The following TMEM184B variants were observed in gnomAD, a reference collection of about 807,000 sequenced individuals.
The protein encoded by TMEM184B is putative MAPK-activating protein FM08.
A neutral mutation model predicts 41.8 loss-of-function variants in TMEM184B; 17 were observed. The observed-to-expected ratio is 0.41, with a 90% CI of 0.28 to 0.61. The LOEUF (loss-of-function observed/expected upper bound fraction) is 0.61. TMEM184B is among the 20% of genes least tolerant of loss of function. TMEM184B has a pLI of 0.34. For synonymous variants in TMEM184B, 240 were observed against 229.5 expected (o/e 1.05, Z -0.41); for missense variants, 393 against 557.8 (o/e 0.70, Z 2.98).
Position 38,221,250 on chromosome 22 carries a change from C to A in TMEM184B, c.*219G>T. On this transcript the variant is annotated 3_prime_UTR_variant, in exon 9 of 9. Transcript: ENST00000361906. ...CCAGTGTCCTCTGCCCTCGCCCGGGCAGTGCAGGCTGGGCCATGTATAAAT... is the reference window on the plus strand; with the variant it reads ...CCAGTGTCCTCTGCCCTCGCCCGGGAAGTGCAGGCTGGGCCATGTATAAAT... The A allele has an allele frequency of 1.4e-6, 2 of 1,408,356 alleles. No individual in the cohort carries two copies. Among genetic ancestry groups the A allele is most frequent in the East Asian group, 5.3e-5 (2 of 37,980 alleles). 87.2% of individuals were successfully genotyped at this position (1,408,356 alleles called of 1,614,324 possible).
rs953439171 is a variant in TMEM184B, at chr22:38,224,938, T to G, written c.829A>C (p.Lys277Gln). Residue 277 changes from lysine (K) to glutamine (Q), a missense_variant, in exon 8 of 9, where the codon AAA becomes CAA. Lys to Gln is a moderately conservative substitution (Grantham distance 53). This residue lies in a region of TMEM184B where 271 missense variants were observed against 434.1 expected (regional missense o/e 0.62). Coordinates refer to ENST00000361906, the MANE Select transcript of TMEM184B (RefSeq NM_012264.5). ...ACCGACACGCGGGCCGAGTGGATTT[T>G]GGGGATGGCCCCACACTTCTCCAGG... is the stretch of plus-strand genomic sequence containing the variant. ...AILEKCGAIP[K>Q]IHSARVSVGE... The G allele has an allele frequency of 1.2e-6, 2 of 1,602,196 alleles. No homozygotes were observed. The highest frequency in any genetic ancestry group is 1.7e-6 in the Non-Finnish European group (2 of 1,174,218).
At chr22:38,235,068 G>A (rs1052500878) in intron 3 of TMEM184B, among the ~76,000 whole-genome samples, 5 of 152,142 alleles carry the variant, frequency 3.3e-5, no homozygotes, top group Non-Finnish European at 7.4e-5. Flanking sequence ...AATGACTACC[G>A]GAGGGCCTGG....
Position 38,221,331 on chromosome 22 carries a change from T to C in TMEM184B, c.*138A>G, listed in dbSNP as rs2075777652. Reference sequence around the variant, plus strand: ...GTCCCCCGTTCCTCTGGAAGTGACATGTGAGTGTTTCTGGTCCAATAAATA... The same window carrying C: ...GTCCCCCGTTCCTCTGGAAGTGACACGTGAGTGTTTCTGGTCCAATAAATA... On this transcript the variant is annotated 3_prime_UTR_variant, in exon 9 of 9. Coordinates refer to ENST00000361906, the MANE Select transcript of TMEM184B (RefSeq NM_012264.5). The C allele has an allele frequency of 2.1e-6, 3 of 1,447,538 alleles. No individual in the cohort carries two copies. The highest frequency in any genetic ancestry group is 2.4e-5 in the East Asian group (1 of 40,864). The allele number at this position is 1,447,538 out of a possible 1,614,324, so 89.7% of individuals were successfully genotyped here. A position where few individuals can be genotyped will look rare whatever the true frequency, so the allele number is the denominator to read the frequency against.
chr22:38,258,915 G>A (rs981643529), intron 1 of TMEM184B, among the ~76,000 whole-genome samples: 1 of 152,184 alleles, frequency 6.6e-6, no homozygotes, highest in African/African-American at 2.4e-5. Flanking sequence ...TGAGGAAGCA[G>A]ACATCCAGTG....
Position 38,239,626 on chromosome 22 carries a change from G to C in TMEM184B, c.358+6309C>G, listed in dbSNP as rs947118186. ...TTAAAAGTCTCCACGTGGAGCCACTGCATTACAAGTTTCAACAGAGGCTGA... is the reference window on the plus strand; with the variant it reads ...TTAAAAGTCTCCACGTGGAGCCACTCCATTACAAGTTTCAACAGAGGCTGA... On this transcript the variant is annotated intron_variant, in intron 3 of 8. Coordinates refer to ENST00000361906, the MANE Select transcript of TMEM184B (RefSeq NM_012264.5). This position sits in a 1 kb window ranked among gnomAD's most constrained non-coding sequence, Gnocchi z 4.6. 6.6e-6 allele frequency: 1 copy of C among 152,174 alleles called. No homozygotes were observed. The highest frequency in any genetic ancestry group is 2.4e-5 in the African/African-American group (1 of 41,418). The allele number at this position is 152,174 out of a possible 1,614,324, so 9.4% of individuals were successfully genotyped here.
intron 3 of TMEM184B, among the ~76,000 whole-genome samples, chr22:38,242,167 T>G (rs1242408615): frequency 2.0e-5 from 3 of 151,732 alleles, no homozygotes; most frequent in African/African-American, 7.3e-5. Context: ...AGAATTTTGT[T>G]AACAAAGAAA....
chr22:38,245,888 G>GCC, intron 3 of TMEM184B, 47 bp downstream of exon 3: 1 of 545,870 alleles, frequency 1.8e-6, no homozygotes, highest in Non-Finnish European at 3.4e-6. Context: ...GGGGCTCCCA[G>GCC]CCCCCCAGCC....
intron 1 of TMEM184B, among the ~76,000 whole-genome samples, chr22:38,257,377 C>G (rs1408474314): frequency 4.6e-5 from 7 of 152,136 alleles, no homozygotes; most frequent in Non-Finnish European, 1.0e-4. Context: ...CCTTTGCATA[C>G]TCAGTGGACG....
chr22:38,236,277 T>A (rs1569027458), intron 3 of TMEM184B, among the ~76,000 whole-genome samples: 1 of 151,702 alleles, frequency 6.6e-6, no homozygotes, highest in East Asian at 1.9e-4. Context: ...ACACCACATC[T>A]CAAACTAGAG....
intron 1 of TMEM184B, among the ~76,000 whole-genome samples, chr22:38,253,177 G>A (rs1300535078): frequency 6.6e-6 from 1 of 152,038 alleles, no homozygotes; most frequent in Non-Finnish European, 1.5e-5. Flanking sequence ...AATAATAATG[G>A]GAGCCGCGGT....
intron 8 of TMEM184B, chr22:38,222,544 G>C (rs1319207953): frequency 4.1e-6 from 4 of 974,986 alleles, no homozygotes; most frequent in African/African-American, 1.8e-5. Context: ...GTGGGGAGGA[G>C]ATGAGGACAC....
At chr22:38,272,558 C>T in intron 1 of TMEM184B, 2 of 985,774 alleles carry the variant, frequency 2.0e-6, no homozygotes, top group African/African-American at 3.5e-5. Context: ...TTGCAAAGCG[C>T]CTTGGTCCAT....
chr22:38,248,153 C>A lies in TMEM184B; in HGVS notation c.-58-134G>T, dbSNP rs1313873596. On this transcript the variant is annotated intron_variant, in intron 1 of 8. Transcript: ENST00000361906. The stretch of plus-strand genomic sequence containing the variant: ...CAACCATCACCCTGTCCCAGCCAGC[C>A]TCTCCCCTGGATTGATGCAACAGGC... 3.2e-6 allele frequency: 4 copies of A among 1,257,870 alleles called. No individual in the cohort carries two copies. In the East Asian group the frequency reaches 1.0e-4, roughly 33 times the overall value. The allele number at this position is 1,257,870 out of a possible 1,614,324, so 77.9% of individuals were successfully genotyped here.
At position 38,220,035 on chromosome 22, in the gene TMEM184B, C is replaced by T; in HGVS notation, c.*1434G>A. The T allele has an allele frequency of 2.0e-6, 2 of 985,548 alleles. No individual in the cohort carries two copies. Among genetic ancestry groups the T allele is most frequent in the Non-Finnish European group, 1.2e-6 (1 of 829,992 alleles). The allele number at this position is 985,548 out of a possible 1,614,324, so 61.1% of individuals were successfully genotyped here. ...CAGTGAACACCGGCAGGGTCCCTCT[C>T]CCTTACCCTACCAGCTTCTCCAGGT... On this transcript the variant is annotated 3_prime_UTR_variant, in exon 9 of 9. Coordinates refer to ENST00000361906, the MANE Select transcript of TMEM184B (RefSeq NM_012264.5).
intron 1 of TMEM184B, among the ~76,000 whole-genome samples, chr22:38,269,518 ACT>A (rs897776328): frequency 1.3e-5 from 2 of 151,750 alleles, no homozygotes; most frequent in Non-Finnish European, 2.9e-5. Context: ...CCAGCCTAAG[ACT>A]CTGTCTTAAA....
At chr22:38,260,660 G>A (rs866030879) in intron 1 of TMEM184B, among the ~76,000 whole-genome samples, 6 of 152,152 alleles carry the variant, frequency 3.9e-5, no homozygotes, top group African/African-American at 1.2e-4. Context: ...GAGAGAGAGG[G>A]ACGGAATAAT....
chr22:38,248,272 C>T (rs1027190540), intron 1 of TMEM184B, among the ~76,000 whole-genome samples: 3 of 152,092 alleles, frequency 2.0e-5, no homozygotes, highest in Non-Finnish European at 1.5e-5. Context: ...CAGACCAGGC[C>T]GCCACTGCTC....
intron 1 of TMEM184B, among the ~76,000 whole-genome samples, chr22:38,262,376 C>T: frequency 6.6e-6 from 1 of 152,204 alleles, no homozygotes; most frequent in Admixed American, 6.5e-5. Flanking sequence ...GGAAACTAAG[C>T]TGGCCCTTGA....
At position 38,247,875 on chromosome 22, in the gene TMEM184B, C is replaced by T. The variant is rs761258892; in HGVS notation, c.87G>A (p.Glu29=). The change falls in exon 2 of 9, where the codon GAG becomes GAA. Residue 29 remains glutamate, a synonymous_variant. Transcript: ENST00000361906. ...AASPSVSVIP[E]GSPTAMEQPV... is the part of the protein sequence containing the mutation. ...GCTGCTCCATGGCAGTGGGGCTGCC[C>T]TCGGGGATCACGGAGACGCTGGGCG... The T allele has an allele frequency of 1.2e-6, 2 of 1,612,710 alleles. No individual in the cohort carries two copies. The highest frequency in any genetic ancestry group is 1.7e-5 in the Admixed American group (1 of 59,898).
Sources: gnomAD v4.1 joint callset for allele counts (sites outside exome capture counted in the v4.1 genomes callset) on GRCh38, gnomAD v4.1.1 for gene constraint, gnomAD v4.1.1 regional missense constraint, Gnocchi (gnomAD v3.1) non-coding constraint, MANE v1.5 for transcripts, NCBI Gene and HGNC (gene_info 2026-07-23, HGNC 2026-07-21) for gene names.